Variants in RIN3 observed in about 807,000 individuals in gnomAD.
RIN3 encodes RAB5 interacting protein 3.
In RIN3, 54 loss-of-function variants were observed where a neutral mutation model predicts 76.3. The ratio of observed to expected loss-of-function variants is 0.71; its 90% confidence interval spans 0.57 to 0.89. The LOEUF is 0.89. RIN3 is among the 40% of genes least tolerant of loss of function. RIN3 has a pLI of 0.00. For missense variants in RIN3, 1,256 were observed against 1,322.1 expected, an observed-to-expected ratio of 0.95 and a Z score of 0.78; for synonymous variants, 576 against 564.0, an observed-to-expected ratio of 1.02 and a Z score of -0.30.
chr14:92,581,070 G>C (rs1214809497), intron 3 of RIN3, among the ~76,000 whole-genome samples: 4 of 152,180 alleles, frequency 2.6e-5, no homozygotes, highest in Admixed American at 2.6e-4. Context: ...GAGTGTTATG[G>C]TTTTCCCAGA....
intron 1 of RIN3, among the ~76,000 whole-genome samples, chr14:92,531,221 G>A (rs80281752): frequency 1.3e-5 from 2 of 152,086 alleles, no homozygotes; most frequent in African/African-American, 4.8e-5. Context: ...TGTGTCTGGC[G>A]GGGTCCAGTC....
chr14:92,601,961 C>T (rs1885361417), intron 3 of RIN3, among the ~76,000 whole-genome samples: 2 of 152,242 alleles, frequency 1.3e-5, no homozygotes, highest in South Asian at 4.1e-4. Flanking sequence ...TAGAAAGCCT[C>T]ATCTACGCAC....
intron 1 of RIN3, among the ~76,000 whole-genome samples, chr14:92,541,271 A>G (rs576333112): frequency 6.6e-6 from 1 of 151,346 alleles, no homozygotes; most frequent in Non-Finnish European, 1.5e-5. Flanking sequence ...TCCAGATCCA[A>G]ATTAATTTCC....
At chr14:92,584,953 ATG>A (rs1884714155) in intron 3 of RIN3, among the ~76,000 whole-genome samples, 1 of 152,126 alleles carries the variant, frequency 6.6e-6, no homozygotes, top group Non-Finnish European at 1.5e-5. Flanking sequence ...CATTTACCCC[ATG>A]TTTCCCAGGT....
chr14:92,515,120 G>C, intron 1 of RIN3: 2 of 646,722 alleles, frequency 3.1e-6, no homozygotes, highest in South Asian at 3.5e-5. Flanking sequence ...AGCTCATCTA[G>C]ATCTGAACGT....
rs539347098 is a variant in RIN3, at chr14:92,671,674, C to T, written c.2336-4801C>T. Among the ~76,000 whole-genome samples the T allele has an allele frequency of 4.3e-3, 654 of 152,284 alleles. 4 individuals are homozygous for T. Among genetic ancestry groups the T allele is most frequent in the African/African-American group, 0.015 (632 of 41,564 alleles). ...CCTGGGCCCCCTCCCTTCCTGCCCC[C>T]TCATACCCACATGGCCGGCCCCGAA... On this transcript the variant is annotated intron_variant, in intron 7 of 9. Coordinates refer to ENST00000216487, the MANE Select transcript of RIN3 (RefSeq NM_024832.5).
rs185841649 is a variant in RIN3, at chr14:92,634,727, A to G, written c.441-6511A>G. ...ACAAACTTTAGCTGGGGGTGGTTGC[A>G]GTCACCTGTAATTCCAGCTGCTTGG... On this transcript the variant is annotated intron_variant, in intron 4 of 9. Transcript: ENST00000216487. Among the ~76,000 whole-genome samples, 63 of 152,168 alleles carry G rather than the reference A, an allele frequency of 4.1e-4. 2 individuals are homozygous for G. The East Asian group carries it at 8.5e-3, about 21-fold the overall frequency.
intron 6 of RIN3, among the ~76,000 whole-genome samples, chr14:92,654,617 A>G (rs187244843): frequency 8.2e-4 from 125 of 152,328 alleles, no homozygotes; most frequent in African/African-American, 2.9e-3. Context: ...AGACTCCTGA[A>G]AACGAATAGG....
intron 4 of RIN3, among the ~76,000 whole-genome samples, chr14:92,626,350 C>T (rs572084497): frequency 3.3e-5 from 5 of 152,288 alleles, no homozygotes; most frequent in South Asian, 2.1e-4. Flanking sequence ...GACATTAATT[C>T]GACCCAGGTA....
intron 1 of RIN3, among the ~76,000 whole-genome samples, chr14:92,542,583 A>G (rs1897153075): frequency 6.6e-6 from 1 of 152,220 alleles, no homozygotes; most frequent in African/African-American, 2.4e-5. Flanking sequence ...ACCCAAGAGA[A>G]CTGAAAACAT....
intron 2 of RIN3, among the ~76,000 whole-genome samples, chr14:92,560,467 G>A (rs1394519615): frequency 2.0e-5 from 3 of 152,156 alleles, no homozygotes; most frequent in African/African-American, 7.2e-5. Context: ...CTGTTACGAA[G>A]ATTGGCAGCT....
rs777530235 is a variant in RIN3, at chr14:92,577,509, A to C, written c.367+32A>C. 3 of 1,401,438 alleles carry C rather than the reference A, an allele frequency of 2.1e-6. No homozygotes were observed. In the South Asian group the frequency reaches 3.5e-5, roughly 16 times the overall value. The allele number at this position is 1,401,438 out of a possible 1,614,324, so 86.8% of individuals were successfully genotyped here. On this transcript the variant is annotated intron_variant, in intron 3 of 9. Transcript: ENST00000216487. The stretch of plus-strand genomic sequence containing the variant: ...ACCCATCTTCTCTGTTTTCACTTTG[A>C]CCACGCGGCAGCAGCAGCAGCAGAG...
chr14:92,593,645 C>A (rs1462223629), intron 3 of RIN3, among the ~76,000 whole-genome samples: 1 of 152,048 alleles, frequency 6.6e-6, no homozygotes, highest in Non-Finnish European at 1.5e-5. Context: ...ACATATGTAA[C>A]AAACCTGCAC....
chr14:92,530,114 C>T (rs933420279), intron 1 of RIN3, among the ~76,000 whole-genome samples: 4 of 152,174 alleles, frequency 2.6e-5, no homozygotes, highest in Non-Finnish European at 5.9e-5. Flanking sequence ...ATATCTTCCT[C>T]GTGTAGATAA....
At chr14:92,684,889 G>C in intron 8 of RIN3, 98 bp from the exon 9 acceptor site, 4 of 1,290,356 alleles carry the variant, frequency 3.1e-6, no homozygotes, top group Non-Finnish European at 4.4e-6. Context: ...CAGAGGTGGT[G>C]GGCGGGGCTT....
rs111819206 is a variant in RIN3 at position 92,536,304 on chromosome 14, T to C, written c.45-19447T>C. ...TTGTGTAGAATTGATAGCTTGACAG[T>C]ATTGTCTTCCACGCCATGGACAAGA... is the stretch of plus-strand genomic sequence containing the variant. On this transcript the variant is annotated intron_variant, in intron 1 of 9. Transcript: ENST00000216487. Among the ~76,000 whole-genome samples the C allele has an allele frequency of 6.6e-5, 10 of 152,300 alleles. 1 individual carries two copies. Among genetic ancestry groups the C allele is most frequent in the African/African-American group, 2.2e-4 (9 of 41,568 alleles).
chr14:92,551,974 T>C (rs1033703133), intron 1 of RIN3, among the ~76,000 whole-genome samples: 2 of 152,210 alleles, frequency 1.3e-5, no homozygotes, highest in Admixed American at 1.3e-4. Context: ...GAGGAAGAAA[T>C]AGACCCTGAA....
At chr14:92,518,694 T>C (rs1896510755) in intron 1 of RIN3, among the ~76,000 whole-genome samples, 2 of 152,018 alleles carry the variant, frequency 1.3e-5, no homozygotes, top group Admixed American at 6.5e-5. Flanking sequence ...GAATGGAGAA[T>C]AGCTTGGTGT....
intron 1 of RIN3, among the ~76,000 whole-genome samples, chr14:92,531,224 G>A (rs1286923146): frequency 6.6e-6 from 1 of 152,256 alleles, no homozygotes; most frequent in Non-Finnish European, 1.5e-5. Flanking sequence ...GTCTGGCGGG[G>A]TCCAGTCACT....
Sources: gnomAD v4.1 joint callset for allele counts (sites outside exome capture counted in the v4.1 genomes callset) on GRCh38, gnomAD v4.1.1 for gene constraint, MANE v1.5 for transcripts, NCBI Gene and HGNC (gene_info 2026-07-23, HGNC 2026-07-21) for gene names.